GRIA3: variants seen among roughly 807,000 people sequenced by gnomAD.
GRIA3 encodes the protein glutamate receptor 3.
Under a neutral mutation model 63.0 loss-of-function variants are expected in GRIA3, and 3 were observed. The ratio of observed to expected loss-of-function variants is 0.05; its 90% confidence interval spans 0.02 to 0.12. The LOEUF is 0.12. Ranked by LOEUF, GRIA3 falls within the 10% of genes least tolerant of loss-of-function variation. The pLI is 1.00. For synonymous variants in GRIA3, 274 were observed against 257.9 expected (o/e 1.06, Z -0.60); for missense variants, 347 against 700.9 (o/e 0.50, Z 5.70).
intron 2 of GRIA3, among the ~76,000 whole-genome samples, chrX:123,231,521 C>T (rs780371101): frequency 9.0e-6 from 1 of 111,679 alleles, no homozygotes; most frequent in African/African-American, 3.2e-5. Flanking sequence ...CTGGAGGAAG[C>T]AGATATTAAA....
chrX:123,445,145 G>A (rs1345607687), intron 12 of GRIA3, among the ~76,000 whole-genome samples: 2 of 111,782 alleles, frequency 1.8e-5, no homozygotes, highest in Non-Finnish European at 3.8e-5. Context: ...TGTTAACAAG[G>A]TACATAGAGT....
intron 12 of GRIA3, among the ~76,000 whole-genome samples, chrX:123,447,800 C>T (rs1182965370): frequency 8.9e-6 from 1 of 112,044 alleles, no homozygotes; most frequent in African/African-American, 3.2e-5. Context: ...TGGTTCCATG[C>T]CCCCTTTGGT....
intron 3 of GRIA3, among the ~76,000 whole-genome samples, chrX:123,275,248 T>G (rs1411205802): frequency 8.9e-6 from 1 of 112,135 alleles, no homozygotes; most frequent in East Asian, 2.8e-4. Context: ...TTTGCATGAA[T>G]TCGCTCATTT....
chrX:123,438,512 T>C (rs1326039839), intron 12 of GRIA3, among the ~76,000 whole-genome samples: 1 of 112,232 alleles, frequency 8.9e-6, no homozygotes, highest in Non-Finnish European at 1.9e-5. Context: ...GTCAATTCTA[T>C]GTTTATCTGC....
chrX:123,466,313 A>T (rs2045833421), intron 13 of GRIA3, among the ~76,000 whole-genome samples: 1 of 111,922 alleles, frequency 8.9e-6, no homozygotes, highest in African/African-American at 3.3e-5. Flanking sequence ...AGCAGGCCCC[A>T]CTTAACTTGA....
At chrX:123,330,625 A>G (rs764864928) in intron 4 of GRIA3, among the ~76,000 whole-genome samples, 2 of 112,031 alleles carry the variant, frequency 1.8e-5, no homozygotes, top group Admixed American at 1.9e-4. Flanking sequence ...AAGAGAGCCA[A>G]GAGGTAGTTT....
intron 3 of GRIA3, among the ~76,000 whole-genome samples, chrX:123,266,203 T>C (rs995776238): frequency 8.9e-6 from 1 of 112,318 alleles, no homozygotes; most frequent in Non-Finnish European, 1.9e-5. Context: ...CCCTTCTCTA[T>C]GCAAAACAGT....
chrX:123,228,099 AT>A (rs2147268861), intron 2 of GRIA3, among the ~76,000 whole-genome samples: 1 of 112,215 alleles, frequency 8.9e-6, no homozygotes, highest in East Asian at 2.8e-4. Context: ...AAGAATGGAA[AT>A]TATCGTAATA....
At position 123,253,540 on chromosome X, in the gene GRIA3, G is replaced by A. The variant is rs867194096; in HGVS notation, c.506G>A (p.Arg169Gln). ...TTTGTGTACCTCTATGACACAGAAC[G>A]AGGTAAGAAGAGGCACCTGCTCTGC... The part of the protein sequence containing the change: ...EKFVYLYDTE[R>Q]GFSILQAIME... The change falls in exon 3 of 16, where the codon CGA becomes CAA. Residue 169 changes from arginine to glutamine, a missense_variant and splice_region_variant. Around this residue, in one of 8 missense-constraint regions of GRIA3, gnomAD observed 113 missense variants for 130.6 expected, o/e 0.87. Transcript: ENST00000620443. The A allele has an allele frequency of 2.5e-6, 3 of 1,202,272 alleles. No homozygotes were observed. The highest frequency in any genetic ancestry group is 1.8e-5 in the South Asian group (1 of 56,769).
chrX:123,338,093 G>T (rs1459285040), intron 4 of GRIA3, among the ~76,000 whole-genome samples: 1 of 111,601 alleles, frequency 9.0e-6, no homozygotes, highest in Non-Finnish European at 1.9e-5. Flanking sequence ...TGGCAGAAAA[G>T]TGCATCTCCC....
chrX:123,263,795 C>T (rs768032505), intron 3 of GRIA3, among the ~76,000 whole-genome samples: 25 of 112,253 alleles, frequency 2.2e-4, no homozygotes, highest in African/African-American at 8.1e-4. Flanking sequence ...GGTCGTTTTC[C>T]ATCCTAAATC....
intron 12 of GRIA3, among the ~76,000 whole-genome samples, chrX:123,447,286 AC>A (rs1238397074): frequency 9.2e-6 from 1 of 108,992 alleles, no homozygotes; most frequent in East Asian, 2.8e-4. Flanking sequence ...CAAAAACAAA[AC>A]AAAACAAAAA....
intron 14 of GRIA3, among the ~76,000 whole-genome samples, chrX:123,482,150 A>G (rs781057004): frequency 2.2e-4 from 25 of 112,275 alleles, no homozygotes; most frequent in Non-Finnish European, 3.9e-4. Context: ...GATTTTAACT[A>G]GGATGAAGAT....
At chrX:123,474,944 T>G (rs1186555468) in intron 13 of GRIA3, among the ~76,000 whole-genome samples, 2 of 111,346 alleles carry the variant, frequency 1.8e-5, no homozygotes, top group Non-Finnish European at 3.8e-5. Context: ...ATGGTAGAGA[T>G]AAGCAGAAAT....
chrX:123,463,766 A>G (rs1314924149), intron 12 of GRIA3, among the ~76,000 whole-genome samples: 3 of 101,707 alleles, frequency 2.9e-5, no homozygotes, highest in Admixed American at 1.0e-4. Context: ...AGAAAGAAAG[A>G]AGAGAAAGAA....
At chrX:123,236,891 C>T (rs989647958) in intron 2 of GRIA3, among the ~76,000 whole-genome samples, 59 of 111,667 alleles carry the variant, frequency 5.3e-4, no homozygotes, top group Non-Finnish European at 7.5e-5. Flanking sequence ...GTTTCCTGGG[C>T]CTTCAAAAGC....
chrX:123,409,799 G>A (rs974265325), intron 10 of GRIA3, among the ~76,000 whole-genome samples: 1 of 111,550 alleles, frequency 9.0e-6, no homozygotes, highest in Admixed American at 9.5e-5. Context: ...CAGGTAATCA[G>A]GAATCCAAAG....
intron 2 of GRIA3, among the ~76,000 whole-genome samples, chrX:123,229,685 T>C (rs1001603778): frequency 8.9e-6 from 1 of 112,002 alleles, no homozygotes; most frequent in African/African-American, 3.2e-5. Context: ...GGGGCACACA[T>C]TTGTATCCAT....
intron 2 of GRIA3, among the ~76,000 whole-genome samples, chrX:123,222,360 A>G (rs773722243): frequency 8.9e-6 from 1 of 112,410 alleles, no homozygotes; most frequent in African/African-American, 3.2e-5. Flanking sequence ...TGTTATTAGA[A>G]TCCTTGTGAA....
Sources: allele counts gnomAD v4.1 joint callset (sites outside exome capture counted in the v4.1 genomes callset), GRCh38; gene constraint gnomAD v4.1.1; regional missense constraint gnomAD v4.1.1; transcripts MANE v1.5; gene names NCBI Gene and HGNC (gene_info 2026-07-23, HGNC 2026-07-21).